GULP1: variants seen among roughly 807,000 people sequenced by gnomAD.
GULP1 encodes PTB domain-containing engulfment adapter protein 1.
GULP1 carries 19 observed loss-of-function variants against 40.9 expected under a neutral mutation model. The observed-to-expected ratio is 0.46, with a 90% CI of 0.32 to 0.68. The LOEUF is 0.68. Among genes scored for constraint, GULP1 ranks in the 30% least tolerant of loss-of-function variants. GULP1 has a pLI of 0.03. For synonymous variants in GULP1, 119 were observed against 117.6 expected (o/e 1.01, Z -0.08); for missense variants, 312 against 362.2 (o/e 0.86, Z 1.12).
chr2:188,345,441 T>C (rs2043511985), intron 1 of GULP1, among the ~76,000 whole-genome samples: 1 of 152,202 alleles, frequency 6.6e-6, no homozygotes, highest in Non-Finnish European at 1.5e-5. Context: ...CAGGATAGAA[T>C]GTACCCAGGA....
intron 2 of GULP1, among the ~76,000 whole-genome samples, chr2:188,418,395 G>A (rs1335725906): frequency 1.3e-5 from 2 of 152,098 alleles, no homozygotes; most frequent in South Asian, 4.1e-4. Flanking sequence ...ACTTTGGGAG[G>A]CCAAGGTGGC....
intron 1 of GULP1, among the ~76,000 whole-genome samples, chr2:188,368,876 T>G: frequency 6.9e-6 from 1 of 144,606 alleles, no homozygotes; most frequent in East Asian, 2.0e-4. Flanking sequence ...TTCATTGGGT[T>G]AGTATAATTC....
chr2:188,471,203 A>G (rs1317351470), intron 2 of GULP1, among the ~76,000 whole-genome samples: 3 of 152,058 alleles, frequency 2.0e-5, no homozygotes, highest in Non-Finnish European at 4.4e-5. Flanking sequence ...CTTGGCATGG[A>G]ATACCTTTAT....
chr2:188,541,116 A>G (rs1690370307), intron 6 of GULP1, 65 bp from the exon 7 acceptor site: 23 of 1,359,354 alleles, frequency 1.7e-5, no homozygotes, highest in Non-Finnish European at 2.4e-5. Context: ...ATTAACACAA[A>G]CGAGTATTTC....
At chr2:188,499,163 ATATATATG>A (rs2063194435) in intron 4 of GULP1, among the ~76,000 whole-genome samples, 1 of 143,180 alleles carries the variant, frequency 7.0e-6, no homozygotes, top group African/African-American at 2.6e-5. Flanking sequence ...ATATATATAT[ATATATATG>A]AACTCTGCAT....
intron 6 of GULP1, among the ~76,000 whole-genome samples, chr2:188,535,843 T>A (rs1225436023): frequency 1.3e-5 from 2 of 152,044 alleles, no homozygotes; most frequent in East Asian, 3.9e-4. Context: ...TTTTTTCATA[T>A]CCTCACCAGC....
intron 2 of GULP1, among the ~76,000 whole-genome samples, chr2:188,443,913 A>C (rs1394632228): frequency 2.0e-5 from 3 of 152,160 alleles, no homozygotes; most frequent in Non-Finnish European, 2.9e-5. Context: ...AGTAATTCTC[A>C]TCATATTTGT....
At chr2:188,432,681 A>C (rs1444504039) in intron 2 of GULP1, among the ~76,000 whole-genome samples, 1 of 152,126 alleles carries the variant, frequency 6.6e-6, no homozygotes, top group African/African-American at 2.4e-5. Flanking sequence ...ATGTATATTG[A>C]TGATTCTGAA....
At chr2:188,364,905 C>T (rs960086595) in intron 1 of GULP1, among the ~76,000 whole-genome samples, 4 of 134,130 alleles carry the variant, frequency 3.0e-5, no homozygotes, top group Admixed American at 2.1e-4. Flanking sequence ...TACACAAATA[C>T]ACACACACAC....
At chr2:188,593,728 T>C (rs1259521753) in intron 11 of GULP1, 4 of 377,548 alleles carry the variant, frequency 1.1e-5, no homozygotes, top group Admixed American at 8.5e-5. Flanking sequence ...TAACCTCACA[T>C]AGATTTAAAA....
chr2:188,427,053 C>T (rs887793570), intron 2 of GULP1, among the ~76,000 whole-genome samples: 1 of 152,060 alleles, frequency 6.6e-6, no homozygotes, highest in Non-Finnish European at 1.5e-5. Context: ...TTTGCCTCTG[C>T]CCTAGGGAAC....
intron 2 of GULP1, among the ~76,000 whole-genome samples, chr2:188,409,132 A>C (rs1461912182): frequency 6.6e-6 from 1 of 152,156 alleles, no homozygotes; most frequent in Non-Finnish European, 1.5e-5. Context: ...AAATAATAAA[A>C]ATCAGTGCAA....
intron 6 of GULP1, among the ~76,000 whole-genome samples, chr2:188,537,199 C>T (rs1399804132): frequency 6.6e-6 from 1 of 151,864 alleles, no homozygotes; most frequent in Non-Finnish European, 1.5e-5. Context: ...TCTGATTCCT[C>T]TGGCAAGGAC....
chr2:188,310,605 A>C (rs2037924170), intron 1 of GULP1, among the ~76,000 whole-genome samples: 1 of 152,188 alleles, frequency 6.6e-6, no homozygotes, highest in Non-Finnish European at 1.5e-5. Flanking sequence ...TTTTGGGGAC[A>C]TTCAGGGAGA....
intron 2 of GULP1, among the ~76,000 whole-genome samples, chr2:188,441,921 G>A (rs1244820370): frequency 2.0e-5 from 3 of 152,172 alleles, no homozygotes; most frequent in Non-Finnish European, 4.4e-5. Flanking sequence ...AACATTTTGA[G>A]TTAGACTTTG....
chr2:188,447,434 T>G (rs917134870), intron 2 of GULP1, among the ~76,000 whole-genome samples: 2 of 152,084 alleles, frequency 1.3e-5, no homozygotes, highest in Non-Finnish European at 2.9e-5. Context: ...GCCTTATAAG[T>G]TTTTTTATTT....
chr2:188,545,796 C>A (rs1222825364), intron 7 of GULP1, among the ~76,000 whole-genome samples: 3 of 151,726 alleles, frequency 2.0e-5, no homozygotes, highest in African/African-American at 7.3e-5. Context: ...AGGTGGATTA[C>A]AAAACATAAT....
At chr2:188,418,627 T>A (rs2054920216) in intron 2 of GULP1, among the ~76,000 whole-genome samples, 1 of 152,198 alleles carries the variant, frequency 6.6e-6, no homozygotes, top group East Asian at 1.9e-4. Flanking sequence ...AGCCAGACAA[T>A]GTCTCCAAAA....
chr2:188,513,976 G>C (rs944126554), intron 4 of GULP1, among the ~76,000 whole-genome samples: 1 of 151,074 alleles, frequency 6.6e-6, no homozygotes, highest in Non-Finnish European at 1.5e-5. Context: ...GAGTACTCCT[G>C]TTTCCTCCCA....
Sources: allele counts gnomAD v4.1 joint callset (sites outside exome capture counted in the v4.1 genomes callset), GRCh38; gene constraint gnomAD v4.1.1; transcripts MANE v1.5; gene names NCBI Gene and HGNC (gene_info 2026-07-23, HGNC 2026-07-21).